Variants in TMEM201 observed in about 807,000 individuals in gnomAD.
TMEM201 encodes RP13-15M17.2.
TMEM201 carries 26 observed loss-of-function variants against 63.4 expected under a neutral mutation model. The ratio of observed to expected loss-of-function variants is 0.41; its 90% CI spans 0.30 to 0.57. The LOEUF is 0.57. Ranked by LOEUF, TMEM201 falls within the 20% of genes least tolerant of loss-of-function variation. TMEM201 has a pLI of 0.29. For missense variants in TMEM201, 794 were observed against 917.7 expected, an observed-to-expected ratio of 0.87 and a Z score of 1.74; for synonymous variants, 417 against 421.6, an observed-to-expected ratio of 0.99 and a Z score of 0.14.
chr1:9,594,274 A>G (rs983369833), intron 1 of TMEM201, among the ~76,000 whole-genome samples: 3 of 152,188 alleles, frequency 2.0e-5, no homozygotes, highest in Non-Finnish European at 4.4e-5. Flanking sequence ...CGCTGTCTCC[A>G]TGCTGTTGAC....
chr1:9,599,384 A>G (rs1024092673), intron 4 of TMEM201, among the ~76,000 whole-genome samples: 5 of 151,048 alleles, frequency 3.3e-5, no homozygotes, highest in Admixed American at 3.3e-4. Context: ...AGTAGCTGGG[A>G]TTACAGGCAC....
intron 1 of TMEM201, among the ~76,000 whole-genome samples, chr1:9,589,904 A>G (rs1194994361): frequency 6.6e-6 from 1 of 152,214 alleles, no homozygotes. Context: ...ACCCTTAGGA[A>G]AAAGGGGAGA....
rs1169669628 is a variant in TMEM201, at chr1:9,603,927, G to A, written c.1160+1655G>A. On this transcript the variant is annotated intron_variant, in intron 6 of 10. Coordinates refer to ENST00000340381, the MANE Select transcript of TMEM201 (RefSeq NM_001130924.3). This position sits in a 1 kb window ranked among gnomAD's most constrained non-coding sequence, Gnocchi z 4.5. Reference sequence around the variant, plus strand: ...GAGAAAACCCCTCTGAAAAGATGTGGTCGGGGCCACGCTTCCCACTGGTTC... The same window carrying A: ...GAGAAAACCCCTCTGAAAAGATGTGATCGGGGCCACGCTTCCCACTGGTTC... The A allele has an allele frequency of 3.0e-6, 3 of 985,476 alleles. No homozygotes were observed. The highest frequency in any genetic ancestry group is 3.6e-6 in the Non-Finnish European group (3 of 829,964). The allele number at this position is 985,476 out of a possible 1,614,324, so 61.0% of individuals were successfully genotyped here.
At chr1:9,593,605 A>G (rs990770996) in intron 1 of TMEM201, among the ~76,000 whole-genome samples, 10 of 152,096 alleles carry the variant, frequency 6.6e-5, no homozygotes, top group African/African-American at 2.4e-4. Context: ...CTAGCAACAG[A>G]GCAGGAGATT....
In TMEM201 at chr1:9,607,668, C is replaced by A. The variant is rs1371906409; in HGVS notation, c.1272C>A (p.Ser424Arg). 3.9e-6 allele frequency: 6 copies of A among 1,551,846 alleles called. No homozygotes were observed. In the Admixed American group the frequency reaches 9.8e-5, roughly 25 times the overall value. Reference protein sequence around the residue: ...PASLFIPSPPSFLPLANQQLF... With the variant: ...PASLFIPSPPRFLPLANQQLF... ...CTCTGTTCATCCCCAGCCCGCCCAG[C>A]TTCCTGCCCCTCGCCAACCAGCAGC... is the stretch of plus-strand genomic sequence containing the variant. Residue 424 changes from serine to arginine, a missense_variant, in exon 7 of 11, where the codon AGC (serine) becomes AGA (arginine). By Grantham distance (110) the Ser-to-Arg change is moderately radical. Coordinates refer to ENST00000340381, the MANE Select transcript of TMEM201 (RefSeq NM_001130924.3). The surrounding 1 kb of genome is among the most constrained non-coding windows in gnomAD (Gnocchi z 5.4).
intron 2 of TMEM201, among the ~76,000 whole-genome samples, chr1:9,596,632 G>C (rs868442692): frequency 1.6e-4 from 24 of 152,236 alleles, no homozygotes; most frequent in African/African-American, 5.5e-4. Flanking sequence ...TGCAGGCCCT[G>C]CTCTGTGCTC....
At chr1:9,606,836 C>T (rs975247518) in intron 6 of TMEM201, among the ~76,000 whole-genome samples, 2 of 152,238 alleles carry the variant, frequency 1.3e-5, no homozygotes, top group African/African-American at 4.8e-5. Flanking sequence ...TTCGGGCAGC[C>T]TTGCGGTCGT....
rs1426147297 is a variant in TMEM201, at chr1:9,588,994, G to C, written c.64G>C (p.Val22Leu). 2 of 1,200,274 alleles carry C rather than the reference G, an allele frequency of 1.7e-6. No homozygotes were observed. The highest frequency in any genetic ancestry group is 1.7e-5 in the African/African-American group (1 of 60,446). The allele number at this position is 1,200,274 out of a possible 1,614,324, so 74.4% of individuals were successfully genotyped here. The change falls in exon 1 of 11, where the codon GTC becomes CTC. Residue 22 changes from valine (V) to leucine (L), a missense_variant. Transcript: ENST00000340381. ...PTAGLAGGLG[V>L]TACAAAGVLL... ...GGCCGGCCTGGCCGGCGGCCTGGGG[G>C]TCACGGCGTGCGCCGCGGCCGGCGT...
At chr1:9,602,578 A>G (rs1644166979) in intron 6 of TMEM201, 2 of 1,301,154 alleles carry the variant, frequency 1.5e-6, no homozygotes, top group Non-Finnish European at 2.0e-6. Flanking sequence ...GGCAGCGCCC[A>G]CACAGGCTCT....
chr1:9,588,930 C>A lies in TMEM201; in HGVS notation c.-1C>A. 1 of 1,284,394 alleles carries A rather than the reference C, an allele frequency of 7.8e-7. No individual in the cohort carries two copies. Among genetic ancestry groups the A allele is most frequent in the Non-Finnish European group, 1.0e-6 (1 of 996,748 alleles). 79.6% of individuals were successfully genotyped at this position (1,284,394 alleles called of 1,614,324 possible). On this transcript the variant is annotated 5_prime_UTR_variant, in exon 1 of 11. Coordinates refer to ENST00000340381, the MANE Select transcript of TMEM201 (RefSeq NM_001130924.3). ...CCTGCCGTCCTTCCACGCGGAGAGC[C>A]ATGGAGGGAGTGAGCGCGCTGCTGG...
At chr1:9,611,962 C>A in intron 10 of TMEM201, 72 bp downstream of exon 10, 1 of 1,440,952 alleles carries the variant, frequency 6.9e-7, no homozygotes, top group South Asian at 1.5e-5. Flanking sequence ...CCAGGGGGGT[C>A]CAGAGCACTG....
intron 1 of TMEM201, among the ~76,000 whole-genome samples, chr1:9,595,480 G>C (rs1644000224): frequency 2.0e-5 from 3 of 152,114 alleles, no homozygotes; most frequent in African/African-American, 7.2e-5. Flanking sequence ...CCTCGAACCT[G>C]GTCCCAGTCA....
At chr1:9,609,965 TC>T (rs1184257404) in intron 8 of TMEM201, 54 bp downstream of exon 8, 1 of 1,514,258 alleles carries the variant, frequency 6.6e-7, no homozygotes, top group Non-Finnish European at 9.0e-7. Context: ...GCCCGGGCGT[TC>T]CAGAGCATGG....
chr1:9,594,459 C>T (rs1024242569), intron 1 of TMEM201, among the ~76,000 whole-genome samples: 9 of 152,216 alleles, frequency 5.9e-5, no homozygotes, highest in African/African-American at 1.7e-4. Flanking sequence ...AGCCTCCCCC[C>T]ACTCCATGTA....
In TMEM201 at chr1:9,607,619, C is replaced by T. The variant is rs555203883; in HGVS notation, c.1223C>T (p.Pro408Leu). The T allele has an allele frequency of 3.1e-5, 48 of 1,551,806 alleles. No homozygotes were observed. In the East Asian group the frequency reaches 3.2e-4, roughly 10 times the overall value. ...AGCCCCAGCTTGGCCATCCCTCACC[C>T]GAGTGTCGGAGGCTCTCCAGCGTCT... ...PTSPSLAIPH[P>L]SVGGSPASLF... Residue 408 changes from proline (P) to leucine (L), a missense_variant, in exon 7 of 11, where the codon CCG becomes CTG. Physicochemically the swap from Pro to Leu is moderately conservative, Grantham distance 98. Transcript: ENST00000340381. The surrounding 1 kb of genome is among the most constrained non-coding windows in gnomAD (Gnocchi z 5.4).
In TMEM201 at chr1:9,613,876, G is replaced by A. The variant is rs1644357755; in HGVS notation, c.*793G>A. On this transcript the variant is annotated 3_prime_UTR_variant, in exon 11 of 11. Coordinates refer to ENST00000340381, the MANE Select transcript of TMEM201 (RefSeq NM_001130924.3). The stretch of plus-strand genomic sequence containing the variant: ...GGAACTGCAGGGCAGGCTGGCGGGG[G>A]GCCTTCAGATCTCAGATGAGACTGC... 1 of 152,284 alleles carries A rather than the reference G, an allele frequency of 6.6e-6. No homozygotes were observed. Among genetic ancestry groups the A allele is most frequent in the Admixed American group, 6.5e-5 (1 of 15,278 alleles). The allele number at this position is 152,284 out of a possible 1,614,324, so 9.4% of individuals were successfully genotyped here. A position where few individuals can be genotyped will look rare whatever the true frequency, so the allele number is the denominator to read the frequency against.
chr1:9,598,723 C>T (rs1644075226), intron 4 of TMEM201, 98 bp downstream of exon 4: 2 of 1,143,414 alleles, frequency 1.7e-6, no homozygotes, highest in Non-Finnish European at 2.5e-6. Context: ...GGTAGCTCTT[C>T]AGAGCTGAGC....
intron 3 of TMEM201, among the ~76,000 whole-genome samples, chr1:9,597,335 A>G (rs960438181): frequency 6.6e-6 from 1 of 152,120 alleles, no homozygotes; most frequent in African/African-American, 2.4e-5. Context: ...CACCGTGGAA[A>G]CCCCAGCACC....
At chr1:9,599,301 G>A (rs1344669825) in intron 4 of TMEM201, among the ~76,000 whole-genome samples, 1 of 151,802 alleles carries the variant, frequency 6.6e-6, no homozygotes, top group Admixed American at 6.6e-5. Flanking sequence ...AGGCTGGAGT[G>A]AAGTGGCGCG....
Sources: gnomAD v4.1 joint callset for allele counts (sites outside exome capture counted in the v4.1 genomes callset) on GRCh38, gnomAD v4.1.1 for gene constraint, Gnocchi (gnomAD v3.1) non-coding constraint, MANE v1.5 for transcripts, NCBI Gene and HGNC (gene_info 2026-07-23, HGNC 2026-07-21) for gene names.